L3MBTL4: variants seen among roughly 807,000 people sequenced by gnomAD.
L3MBTL4 encodes the protein L3MBTL histone methyl-lysine binding protein 4, also known as lethal(3)malignant brain tumor-like protein 4.
A neutral mutation model predicts 84.5 loss-of-function variants in L3MBTL4; 70 were observed. That is an observed-to-expected ratio of 0.83 (90% CI 0.68 to 1.01). The LOEUF is 1.01. L3MBTL4 is among the 50% of genes least tolerant of loss of function. The probability of loss-of-function intolerance (pLI) is 0.00; values close to 1 mark genes in which losing one functional copy is unlikely to be tolerated. For synonymous variants in L3MBTL4, 274 were observed against 259.8 expected (o/e 1.05, Z -0.52); for missense variants, 715 against 754.8 (o/e 0.95, Z 0.62).
chr18:6,308,900 A>G (rs2050709039), intron 3 of L3MBTL4, among the ~76,000 whole-genome samples: 2 of 152,140 alleles, frequency 1.3e-5, no homozygotes. Flanking sequence ...TTTATTTTTT[A>G]ACCATATGCC....
chr18:6,197,342 G>C (rs113825977), intron 12 of L3MBTL4, among the ~76,000 whole-genome samples: 1 of 152,198 alleles, frequency 6.6e-6, no homozygotes, highest in East Asian at 1.9e-4. Flanking sequence ...CAGCTCCCAC[G>C]TATAAGTGAG....
chr18:6,357,016 C>G (rs571494505), intron 1 of L3MBTL4, among the ~76,000 whole-genome samples: 1 of 152,138 alleles, frequency 6.6e-6, no homozygotes, highest in Non-Finnish European at 1.5e-5. Context: ...TATAATCTTA[C>G]GTGATCATAT....
intron 12 of L3MBTL4, among the ~76,000 whole-genome samples, chr18:6,175,643 T>A (rs979017094): frequency 1.3e-5 from 2 of 152,180 alleles, no homozygotes; most frequent in African/African-American, 4.8e-5. Context: ...CAATACACAA[T>A]GACAAATACT....
intron 16 of L3MBTL4, among the ~76,000 whole-genome samples, chr18:6,026,035 T>C (rs2055490868): frequency 6.6e-6 from 1 of 152,208 alleles, no homozygotes; most frequent in African/African-American, 2.4e-5. Context: ...TTAAACTACG[T>C]CAGCTGCAGA....
intron 16 of L3MBTL4, among the ~76,000 whole-genome samples, chr18:6,026,106 C>T (rs1052699243): frequency 2.6e-5 from 4 of 152,212 alleles, no homozygotes; most frequent in Non-Finnish European, 4.4e-5. Context: ...TCTCATGTGT[C>T]TTTTCCTCCC....
At chr18:6,213,700 T>C (rs574903398) in intron 11 of L3MBTL4, among the ~76,000 whole-genome samples, 48 of 152,134 alleles carry the variant, frequency 3.2e-4, no homozygotes, top group South Asian at 8.3e-4. Flanking sequence ...GCGTGAGCCA[T>C]CATGCCCAGC....
At chr18:5,983,550 C>T (rs1268221437) in intron 16 of L3MBTL4, among the ~76,000 whole-genome samples, 6 of 152,140 alleles carry the variant, frequency 3.9e-5, no homozygotes, top group South Asian at 4.2e-4. Context: ...CTGAAGCTAG[C>T]GTTTGAAGAA....
intron 1 of L3MBTL4, among the ~76,000 whole-genome samples, chr18:6,384,226 T>C (rs985175046): frequency 2.0e-5 from 3 of 152,128 alleles, no homozygotes; most frequent in Non-Finnish European, 4.4e-5. Flanking sequence ...AAAATTCTCT[T>C]CTTGTATATA....
chr18:6,167,635 T>G (rs987947930), intron 13 of L3MBTL4, among the ~76,000 whole-genome samples: 23 of 152,182 alleles, frequency 1.5e-4, no homozygotes, highest in African/African-American at 5.3e-4. Flanking sequence ...CAACCCTTCA[T>G]GCTAAAAGCT....
chr18:6,038,378 G>A (rs1004090803), intron 16 of L3MBTL4, among the ~76,000 whole-genome samples: 18 of 150,670 alleles, frequency 1.2e-4, no homozygotes, highest in African/African-American at 2.4e-4. Flanking sequence ...CTCAGCCTCC[G>A]GAGTAGTTGG....
rs142002506 is a variant in L3MBTL4 at position 6,015,350 on chromosome 18, A to G, written c.1445-45788T>C. On this transcript the variant is annotated intron_variant, in intron 16 of 18. Transcript: ENST00000317931. ...AGCCAGAAGGACATGGTGTTTGAGAAGATTGCAGAAGGTGGGGGTGGATGG... is the reference window on the plus strand; with the variant it reads ...AGCCAGAAGGACATGGTGTTTGAGAGGATTGCAGAAGGTGGGGGTGGATGG... Among the ~76,000 whole-genome samples the G allele has an allele frequency of 1.2e-3, 175 of 152,150 alleles. 1 individual carries two copies. Among genetic ancestry groups the G allele is most frequent in the Admixed American group, 9.9e-3 (152 of 15,288 alleles).
At chr18:6,061,676 G>A (rs1338701328) in intron 16 of L3MBTL4, among the ~76,000 whole-genome samples, 1 of 151,814 alleles carries the variant, frequency 6.6e-6, no homozygotes, top group Non-Finnish European at 1.5e-5. Flanking sequence ...TGTTGCACTT[G>A]TTCTTTCTTT....
At chr18:6,044,807 T>C (rs9944546) in intron 16 of L3MBTL4, among the ~76,000 whole-genome samples, 2,431 of 152,296 alleles carry the variant, frequency 0.016, 69 homozygotes, top group African/African-American at 0.056. Flanking sequence ...AAGTGGTTTA[T>C]TAGAAGAGTA....
intron 12 of L3MBTL4, among the ~76,000 whole-genome samples, chr18:6,191,589 A>G (rs2045093570): frequency 6.6e-6 from 1 of 152,224 alleles, no homozygotes; most frequent in Admixed American, 6.5e-5. Flanking sequence ...GTTCATCAAC[A>G]TATAGGTGAT....
chr18:6,327,058 T>C (rs1241387773), intron 1 of L3MBTL4, among the ~76,000 whole-genome samples: 2 of 152,140 alleles, frequency 1.3e-5, no homozygotes, highest in Non-Finnish European at 2.9e-5. Context: ...AGCAGGGAAA[T>C]GCGTATTAAA....
At chr18:5,992,109 C>A (rs961868105) in intron 16 of L3MBTL4, among the ~76,000 whole-genome samples, 3 of 152,152 alleles carry the variant, frequency 2.0e-5, no homozygotes, top group African/African-American at 7.2e-5. Flanking sequence ...CATGGTCCAG[C>A]AGGAAGGGCA....
chr18:6,191,504 G>C (rs2045086261), intron 12 of L3MBTL4, among the ~76,000 whole-genome samples: 1 of 152,174 alleles, frequency 6.6e-6, no homozygotes, highest in Admixed American at 6.5e-5. Context: ...TCAAACTTTG[G>C]ACATGTTGAG....
intron 13 of L3MBTL4, among the ~76,000 whole-genome samples, chr18:6,170,731 G>T (rs918275144): frequency 6.6e-5 from 10 of 152,020 alleles, no homozygotes; most frequent in African/African-American, 2.4e-4. Context: ...GATGTACAGG[G>T]GTGTATTGGG....
At chr18:6,306,051 A>G (rs892936682) in intron 3 of L3MBTL4, among the ~76,000 whole-genome samples, 3 of 152,228 alleles carry the variant, frequency 2.0e-5, no homozygotes, top group Admixed American at 2.0e-4. Context: ...AGAACCTGCT[A>G]TCTGTGCCCC....
Sources: allele counts gnomAD v4.1 joint callset (sites outside exome capture counted in the v4.1 genomes callset), GRCh38; gene constraint gnomAD v4.1.1; transcripts MANE v1.5; gene names NCBI Gene and HGNC (gene_info 2026-07-23, HGNC 2026-07-21).